RIMS1: variants seen among roughly 807,000 people sequenced by gnomAD.
The protein encoded by RIMS1 is regulating synaptic membrane exocytosis 1.
A neutral mutation model predicts 214.1 loss-of-function variants in RIMS1; 83 were observed. The ratio of observed to expected loss-of-function variants is 0.39; its 90% CI spans 0.32 to 0.47. The LOEUF (loss-of-function observed/expected upper bound fraction) is 0.47. RIMS1 is among the 20% of genes least tolerant of loss of function. The probability of loss-of-function intolerance (pLI) is 0.99; values close to 1 mark genes in which losing one functional copy is unlikely to be tolerated. For synonymous variants in RIMS1, 793 were observed against 786.8 expected, an observed-to-expected ratio of 1.01 and a Z score of -0.13; for missense variants, 2,050 against 2,161.8, an observed-to-expected ratio of 0.95 and a Z score of 1.03.
At chr6:71,914,237 CT>C (rs568695724) in intron 1 of RIMS1, among the ~76,000 whole-genome samples, 4 of 151,070 alleles carry the variant, frequency 2.6e-5, no homozygotes, top group East Asian at 1.9e-4. Flanking sequence ...TGTTTTCTCT[CT>C]TTTTTTTTGG....
At chr6:72,175,945 ACTT>A (rs1319195560) in intron 4 of RIMS1, among the ~76,000 whole-genome samples, 1 of 152,156 alleles carries the variant, frequency 6.6e-6, no homozygotes, top group Non-Finnish European at 1.5e-5. Context: ...AGTTTATTGT[ACTT>A]CTTAAGAATT....
intron 6 of RIMS1, among the ~76,000 whole-genome samples, chr6:72,198,338 TC>T (rs201689540): frequency 0.082 from 1,334 of 16,276 alleles, 23 homozygotes; most frequent in African/African-American, 0.31. Flanking sequence ...GAAATAATAA[TC>T]ATCATCATCA....
At chr6:72,151,138 G>A (rs1184372881) in intron 4 of RIMS1, among the ~76,000 whole-genome samples, 2 of 152,088 alleles carry the variant, frequency 1.3e-5, no homozygotes, top group East Asian at 3.9e-4. Flanking sequence ...CGCCTCCCAG[G>A]TTCACACCAT....
At chr6:71,984,773 ATATCTATCTATC>A (rs70994108) in intron 2 of RIMS1, among the ~76,000 whole-genome samples, 31,207 of 146,450 alleles carry the variant, frequency 0.21, 3,441 homozygotes, top group Middle Eastern at 0.29. Context: ...ATGTATGTAC[ATATCTATCTATC>A]TATCTATCTA....
At chr6:71,984,982 G>C (rs1461453612) in intron 2 of RIMS1, among the ~76,000 whole-genome samples, 1 of 152,132 alleles carries the variant, frequency 6.6e-6, no homozygotes, top group Non-Finnish European at 1.5e-5. Flanking sequence ...ACAGATTGTA[G>C]TTCACCAGCA....
rs576924766 is a variant in RIMS1 at position 72,284,392 on chromosome 6, C to A, written c.3554+274C>A. 3.9e-5 allele frequency among the ~76,000 whole-genome samples: 6 copies of A among 152,252 alleles called. No individual in the cohort carries two copies. In the South Asian group the frequency reaches 1.2e-3, roughly 32 times the overall value. ...TACTAATAAGGATTAAATCCATACTCATTCCTATATACATATTAGGACATT... is the reference window on the plus strand; with the variant it reads ...TACTAATAAGGATTAAATCCATACTAATTCCTATATACATATTAGGACATT... On this transcript the variant is annotated intron_variant, in intron 24 of 33. Coordinates refer to ENST00000521978, the MANE Select transcript of RIMS1 (RefSeq NM_014989.7).
chr6:71,900,218 C>T (rs1773177274), intron 1 of RIMS1, among the ~76,000 whole-genome samples: 1 of 151,770 alleles, frequency 6.6e-6, no homozygotes, highest in Non-Finnish European at 1.5e-5. Context: ...GAATGAGAGC[C>T]AGTGATGGAA....
At chr6:71,998,220 A>G (rs571103922) in intron 2 of RIMS1, among the ~76,000 whole-genome samples, 2 of 152,254 alleles carry the variant, frequency 1.3e-5, no homozygotes, top group East Asian at 3.9e-4. Flanking sequence ...TCTAAAATTT[A>G]GAATATTATT....
At chr6:72,285,610 AGTGTT>A (rs1438867040) in intron 24 of RIMS1, among the ~76,000 whole-genome samples, 1 of 152,198 alleles carries the variant, frequency 6.6e-6, no homozygotes, top group Non-Finnish European at 1.5e-5. Context: ...ACTCATGAAA[AGTGTT>A]GAGTAGTACA....
At chr6:72,392,023 A>G (rs1184266854) in intron 30 of RIMS1, among the ~76,000 whole-genome samples, 1 of 152,226 alleles carries the variant, frequency 6.6e-6, no homozygotes, top group Non-Finnish European at 1.5e-5. Flanking sequence ...GTCTCTATAG[A>G]AATATGCTCA....
At chr6:72,241,654 A>C (rs996628460) in intron 9 of RIMS1, among the ~76,000 whole-genome samples, 1 of 152,194 alleles carries the variant, frequency 6.6e-6, no homozygotes, top group Admixed American at 6.6e-5. Flanking sequence ...GATTATGTAT[A>C]GTACATATGT....
chr6:72,322,384 G>A (rs1278089751), intron 28 of RIMS1, among the ~76,000 whole-genome samples: 1 of 151,948 alleles, frequency 6.6e-6, no homozygotes, highest in South Asian at 2.1e-4. Context: ...CAAATAAACT[G>A]GTATAGCATG....
At chr6:72,120,506 A>C (rs1342626344) in intron 4 of RIMS1, among the ~76,000 whole-genome samples, 1 of 151,594 alleles carries the variant, frequency 6.6e-6, no homozygotes, top group South Asian at 2.1e-4. Context: ...GGGTTGTTTG[A>C]TTTTTATTGT....
intron 4 of RIMS1, among the ~76,000 whole-genome samples, chr6:72,102,864 T>C (rs997147885): frequency 2.0e-5 from 3 of 152,130 alleles, no homozygotes; most frequent in African/African-American, 7.2e-5. Flanking sequence ...TATTTATTCT[T>C]GTTATGAAAA....
intron 6 of RIMS1, among the ~76,000 whole-genome samples, chr6:72,214,712 A>G (rs896926673): frequency 1.3e-5 from 2 of 152,078 alleles, no homozygotes; most frequent in African/African-American, 4.8e-5. Context: ...ATAGGCTTAT[A>G]TGATTCATGC....
At chr6:72,336,357 A>C (rs2096844233) in intron 29 of RIMS1, among the ~76,000 whole-genome samples, 1 of 151,984 alleles carries the variant, frequency 6.6e-6, no homozygotes, top group African/African-American at 2.4e-5. Flanking sequence ...TCATCAAAAC[A>C]CTTAGCCTCT....
At chr6:71,998,550 A>C (rs544225689) in intron 2 of RIMS1, among the ~76,000 whole-genome samples, 93 of 152,304 alleles carry the variant, frequency 6.1e-4, no homozygotes, top group African/African-American at 2.0e-3. Context: ...AATATTTAGA[A>C]TAATGCCTAG....
intron 2 of RIMS1, among the ~76,000 whole-genome samples, chr6:72,082,015 G>A (rs891379515): frequency 3.3e-5 from 5 of 152,106 alleles, no homozygotes; most frequent in African/African-American, 1.2e-4. Context: ...CCTAATGATG[G>A]CTGACTAATT....
At chr6:72,390,887 T>A in intron 30 of RIMS1, 151 bp downstream of exon 30, 1 of 779,052 alleles carries the variant, frequency 1.3e-6, no homozygotes, top group Non-Finnish European at 2.0e-6. Flanking sequence ...GGCTTATAAG[T>A]AAGTACACAT....
Sources: gnomAD v4.1 joint callset for allele counts (sites outside exome capture counted in the v4.1 genomes callset) on GRCh38, gnomAD v4.1.1 for gene constraint, MANE v1.5 for transcripts, NCBI Gene and HGNC (gene_info 2026-07-23, HGNC 2026-07-21) for gene names.